The following ATXN1 variants were observed in gnomAD, a reference collection of about 807,000 sequenced individuals.
ATXN1 encodes the protein ataxin-1.
Under a neutral mutation model 56.4 loss-of-function variants are expected in ATXN1, and 8 were observed. That is an observed-to-expected ratio of 0.14 (90% confidence interval 0.08 to 0.26). The LOEUF is 0.26. Ranked by LOEUF, ATXN1 falls within the 10% of genes least tolerant of loss-of-function variation. The pLI is 1.00. For synonymous variants in ATXN1, 514 were observed against 494.6 expected, an observed-to-expected ratio of 1.04 and a Z score of -0.52; for missense variants, 987 against 1,106.5, an observed-to-expected ratio of 0.89 and a Z score of 1.53.
At chr6:16,618,504 A>G (rs200268941) in intron 3 of ATXN1, among the ~76,000 whole-genome samples, 4 of 152,296 alleles carry the variant, frequency 2.6e-5, no homozygotes, top group East Asian at 3.9e-4. Flanking sequence ...GCCGAGGCAG[A>G]TGGATCACCT....
At chr6:16,317,315 T>C (rs1284800872) in intron 7 of ATXN1, among the ~76,000 whole-genome samples, 2 of 151,860 alleles carry the variant, frequency 1.3e-5, no homozygotes, top group African/African-American at 4.8e-5. Context: ...TTTATAACTT[T>C]TCTTTCTTTC....
At chr6:16,528,706 T>C (rs1236014400) in intron 4 of ATXN1, among the ~76,000 whole-genome samples, 1 of 152,200 alleles carries the variant, frequency 6.6e-6, no homozygotes, top group Non-Finnish European at 1.5e-5. Flanking sequence ...ATAGGTTTTA[T>C]TGGCCTCATT....
intron 4 of ATXN1, among the ~76,000 whole-genome samples, chr6:16,566,021 T>C (rs920104975): frequency 2.0e-5 from 3 of 152,090 alleles, no homozygotes; most frequent in East Asian, 1.9e-4. Context: ...TGACTCTGGA[T>C]GGTAGGGGGA....
At chr6:16,443,116 A>G (rs1274945525) in intron 6 of ATXN1, among the ~76,000 whole-genome samples, 1 of 149,874 alleles carries the variant, frequency 6.7e-6, no homozygotes, top group Non-Finnish European at 1.5e-5. Flanking sequence ...TAAGAGTTCA[A>G]GGCTGCAGTG....
chr6:16,620,001 C>T (rs1390358167), intron 3 of ATXN1, among the ~76,000 whole-genome samples: 3 of 152,106 alleles, frequency 2.0e-5, no homozygotes, highest in Non-Finnish European at 4.4e-5. Context: ...GCTAATAACA[C>T]TATGCTGTTG....
intron 3 of ATXN1, among the ~76,000 whole-genome samples, chr6:16,626,644 C>T (rs542610673): frequency 1.3e-5 from 2 of 152,304 alleles, no homozygotes; most frequent in South Asian, 4.1e-4. Flanking sequence ...CTTATGGATA[C>T]TGTTACTGGC....
chr6:16,515,549 G>A (rs1761165742), intron 5 of ATXN1, among the ~76,000 whole-genome samples: 2 of 152,144 alleles, frequency 1.3e-5, no homozygotes, highest in African/African-American at 2.4e-5. Context: ...ATGTGGTTGA[G>A]GGGTCCCCAT....
intron 3 of ATXN1, among the ~76,000 whole-genome samples, chr6:16,633,560 G>C (rs1456960272): frequency 6.6e-6 from 1 of 152,142 alleles, no homozygotes; most frequent in Admixed American, 6.5e-5. Context: ...CAGCCTCAAA[G>C]GGAGCTGAGT....
chr6:16,504,993 C>CTTTTTTTTTTTTTTTTTTTTTTTTTTTT (rs34197922), intron 5 of ATXN1, among the ~76,000 whole-genome samples: 1 of 135,318 alleles, frequency 7.4e-6, no homozygotes, highest in African/African-American at 2.9e-5. Flanking sequence ...CTCCTGTTTC[C>CTTTTTTTTTTTTTTTTTTTTTTTTTTTT]TTTTTTTTTT....
intron 4 of ATXN1, among the ~76,000 whole-genome samples, chr6:16,536,364 G>A (rs1761596918): frequency 6.6e-6 from 1 of 152,146 alleles, no homozygotes; most frequent in African/African-American, 2.4e-5. Context: ...ACTGCAGGAT[G>A]GACAGATGGC....
chr6:16,588,026 C>T (rs1762659275), intron 3 of ATXN1, among the ~76,000 whole-genome samples: 1 of 149,806 alleles, frequency 6.7e-6, no homozygotes, highest in African/African-American at 2.5e-5. Context: ...TCATCTATCC[C>T]CTAATGTTTT....
intron 3 of ATXN1, among the ~76,000 whole-genome samples, chr6:16,611,798 T>A (rs1763110243): frequency 6.6e-6 from 1 of 151,038 alleles, no homozygotes. Flanking sequence ...CATGCAATAA[T>A]GTTAAAGTCT....
intron 4 of ATXN1, among the ~76,000 whole-genome samples, chr6:16,539,955 C>CA (rs1173878147): frequency 1.3e-5 from 2 of 151,946 alleles, no homozygotes; most frequent in Non-Finnish European, 2.9e-5. Flanking sequence ...AATCCAACCT[C>CA]AAAAAAAGGA....
rs1295181251 is a variant in ATXN1 at position 16,332,756 on chromosome 6, C to A, written c.-160-4286G>T. The stretch of plus-strand genomic sequence containing the variant: ...TAATCACTGTTCTGAATACATTCAT[C>A]TTAAGCCGCTTTAGAGCTACATTAA... On this transcript the variant is annotated intron_variant, in intron 6 of 7. Transcript: ENST00000436367. Among the ~76,000 whole-genome samples the A allele has an allele frequency of 2.0e-5, 3 of 152,230 alleles. No individual in the cohort carries two copies. The East Asian group carries it at 5.8e-4, about 29-fold the overall frequency.
chr6:16,460,520 C>T (rs1383063820), intron 6 of ATXN1, among the ~76,000 whole-genome samples: 4 of 152,216 alleles, frequency 2.6e-5, no homozygotes, highest in Non-Finnish European at 5.9e-5. Context: ...AAATTTATGG[C>T]TATCAGAAAA....
At chr6:16,639,308 C>T (rs1363912384) in intron 3 of ATXN1, among the ~76,000 whole-genome samples, 2 of 152,180 alleles carry the variant, frequency 1.3e-5, no homozygotes, top group East Asian at 3.9e-4. Flanking sequence ...GTAACACTCA[C>T]TGTGAAGGTC....
At chr6:16,600,977 A>G (rs1762901785) in intron 3 of ATXN1, among the ~76,000 whole-genome samples, 1 of 152,172 alleles carries the variant, frequency 6.6e-6, no homozygotes, top group South Asian at 2.1e-4. Flanking sequence ...TACTCTCAAT[A>G]CAATTTGGAA....
intron 6 of ATXN1, among the ~76,000 whole-genome samples, chr6:16,402,453 AC>A (rs79257409): frequency 0.89 from 135,198 of 151,936 alleles, 60,356 homozygotes; most frequent in East Asian, 1. Flanking sequence ...TTTAAAACTT[AC>A]GAGACAACTG....
intron 7 of ATXN1, among the ~76,000 whole-genome samples, chr6:16,312,617 G>A (rs536317763): frequency 4.6e-5 from 7 of 152,154 alleles, no homozygotes; most frequent in Non-Finnish European, 1.0e-4. Flanking sequence ...TTGGGAGGCC[G>A]AGGCGGGCGG....
Sources: allele counts gnomAD v4.1 joint callset (sites outside exome capture counted in the v4.1 genomes callset), GRCh38; gene constraint gnomAD v4.1.1; transcripts MANE v1.5; gene names NCBI Gene and HGNC (gene_info 2026-07-23, HGNC 2026-07-21).